The following HDAC9 variants were observed in gnomAD, a reference collection of about 807,000 sequenced individuals.
HDAC9 encodes MEF-2 interacting transcription repressor (MITR) protein.
A neutral mutation model predicts 139.4 loss-of-function variants in HDAC9; 41 were observed. That is an observed-to-expected ratio of 0.29 (90% CI 0.23 to 0.38). The LOEUF is 0.38. Among genes scored for constraint, HDAC9 ranks in the 10% least tolerant of loss-of-function variants. HDAC9 has a pLI of 1.00. For missense variants in HDAC9, 1,147 were observed against 1,297.0 expected (o/e 0.88, Z 1.78); for synonymous variants, 517 against 476.2 (o/e 1.09, Z -1.12).
chr7:18,936,018 A>T, intron 23 of HDAC9, 76 bp downstream of exon 23: 4 of 1,418,794 alleles, frequency 2.8e-6, no homozygotes, highest in Non-Finnish European at 3.8e-6. Context: ...AACTAAAAAA[A>T]AATTCTGCAT....
chr7:18,149,532 T>TTTATTTA lies in HDAC9; in HGVS notation c.-96-12677_-96-12671dup, dbSNP rs893748036. On this transcript the variant is annotated intron_variant, in intron 1 of 12. Coordinates refer to the HDAC9 transcript ENST00000417496. ...CACCATGCATGGCTAAGGTTTTTTA[T>TTTATTTA]TTATTTATTATTTATTATTTATTAT... Among the ~76,000 whole-genome samples, 6 of 150,378 alleles carry TTTATTTA rather than the reference T, an allele frequency of 4.0e-5. No individual in the cohort carries two copies. In the South Asian group the frequency reaches 6.3e-4, roughly 16 times the overall value.
chr7:18,392,313 TCTCACACACACA>T (rs1264475104), intron 1 of HDAC9, among the ~76,000 whole-genome samples: 18 of 111,236 alleles, frequency 1.6e-4, no homozygotes, highest in African/African-American at 6.1e-4. Flanking sequence ...TCTCTCTCTC[TCTCACACACACA>T]CACACACACA....
At chr7:18,331,074 G>A (rs1255524056) in intron 1 of HDAC9, among the ~76,000 whole-genome samples, 1 of 151,638 alleles carries the variant, frequency 6.6e-6, no homozygotes, top group Non-Finnish European at 1.5e-5. Flanking sequence ...CTGATCATAG[G>A]TTTTGCATTT....
chr7:18,851,351 A>C (rs1220674057), intron 21 of HDAC9: 1 of 152,016 alleles, frequency 6.6e-6, no homozygotes, highest in East Asian at 1.9e-4. Flanking sequence ...CTCTCACGAG[A>C]TCTAATGGTT....
At chr7:18,952,126 C>T (rs1252817083) in intron 23 of HDAC9, among the ~76,000 whole-genome samples, 4 of 151,908 alleles carry the variant, frequency 2.6e-5, no homozygotes, top group South Asian at 2.1e-4. Flanking sequence ...CTAAAACATG[C>T]AGGGAAATGG....
At chr7:18,474,126 T>A (rs1029542529) in intron 1 of HDAC9, among the ~76,000 whole-genome samples, 1 of 152,194 alleles carries the variant, frequency 6.6e-6, no homozygotes, top group African/African-American at 2.4e-5. Flanking sequence ...GCCTTGGTAA[T>A]CTCTCTCAAC....
intron 22 of HDAC9, among the ~76,000 whole-genome samples, chr7:18,905,855 TTTC>T (rs1479149992): frequency 1.8e-5 from 2 of 113,838 alleles, no homozygotes; most frequent in South Asian, 3.9e-4. Context: ...GAATAGTTTC[TTTC>T]TTTCTTTCTT....
chr7:18,354,034 G>T (rs1038333315), intron 1 of HDAC9, among the ~76,000 whole-genome samples: 2 of 151,990 alleles, frequency 1.3e-5, no homozygotes, highest in African/African-American at 4.8e-5. Flanking sequence ...TAAACCATTT[G>T]GGACTTAGCA....
chr7:18,772,061 G>A (rs1229101847), intron 16 of HDAC9, among the ~76,000 whole-genome samples: 1 of 152,106 alleles, frequency 6.6e-6, no homozygotes, highest in Admixed American at 6.6e-5. Context: ...CCATTGGGCT[G>A]GTTCAGAAAA....
chr7:18,534,242 G>A (rs1211358444), intron 2 of HDAC9, among the ~76,000 whole-genome samples: 2 of 152,190 alleles, frequency 1.3e-5, no homozygotes, highest in Non-Finnish European at 2.9e-5. Flanking sequence ...ATGTGTGTTT[G>A]TGTGTATGTG....
At chr7:18,098,552 C>G (rs1266871173) in intron 1 of HDAC9, among the ~76,000 whole-genome samples, 1 of 152,130 alleles carries the variant, frequency 6.6e-6, no homozygotes, top group Non-Finnish European at 1.5e-5. Context: ...TAGTAGTTCC[C>G]AAACTTGAGT....
At chr7:18,287,544 T>C (rs771287858), upstream of HDAC9, among the ~76,000 whole-genome samples, 4 of 152,220 alleles carry the variant, frequency 2.6e-5, no homozygotes, top group Non-Finnish European at 4.4e-5. Context: ...AAAATCCAGA[T>C]GTCCACCTTC....
intron 12 of HDAC9, among the ~76,000 whole-genome samples, chr7:18,700,098 T>C (rs926568883): frequency 6.6e-6 from 1 of 152,168 alleles, no homozygotes; most frequent in African/African-American, 2.4e-5. Context: ...ACACTTGTCC[T>C]GGCATTGGAA....
chr7:18,098,879 C>T (rs909831159), intron 1 of HDAC9, among the ~76,000 whole-genome samples: 1 of 152,100 alleles, frequency 6.6e-6, no homozygotes, highest in Non-Finnish European at 1.5e-5. Context: ...CTTCTTATTG[C>T]TTTCATATGC....
At chr7:18,496,374 G>A (rs764853979) in intron 2 of HDAC9, 50 bp downstream of exon 2, 23 of 1,527,092 alleles carry the variant, frequency 1.5e-5, no homozygotes, top group Non-Finnish European at 2.0e-5. Flanking sequence ...AAGGGGGCTG[G>A]CTTGGGAAAT....
chr7:18,915,890 G>GTAAA (rs1803149237), intron 22 of HDAC9, among the ~76,000 whole-genome samples: 1 of 151,238 alleles, frequency 6.6e-6, no homozygotes, highest in Admixed American at 6.6e-5. Context: ...TATGGGACTG[G>GTAAA]GCCCTTAGAG....
rs180796720 is a variant in HDAC9 at position 18,322,905 on chromosome 7, G to T, written c.-42+32390G>T. Among the ~76,000 whole-genome samples, 357 of 152,248 alleles carry T rather than the reference G, an allele frequency of 2.3e-3. 3 individuals are homozygous for T. The highest frequency in any genetic ancestry group is 4.3e-4 in the Non-Finnish European group (29 of 68,008). ...TCATGAGGGGAAAGGAGGATTCTGG[G>T]AAGGGCTGGGAAGTTGGCTTGGGGA... On this transcript the variant is annotated intron_variant, in intron 1 of 3. Transcript: ENST00000413509.
At chr7:18,692,454 T>G (rs1782739658) in intron 12 of HDAC9, among the ~76,000 whole-genome samples, 1 of 152,098 alleles carries the variant, frequency 6.6e-6, no homozygotes, top group Non-Finnish European at 1.5e-5. Flanking sequence ...ACCTAGGACA[T>G]AGGTAATAAG....
chr7:18,207,252 T>C (rs1048365745), intron 2 of HDAC9, among the ~76,000 whole-genome samples: 1 of 152,042 alleles, frequency 6.6e-6, no homozygotes, highest in Non-Finnish European at 1.5e-5. Context: ...ATTTGAAATA[T>C]CTTATAAGAA....
Sources: gnomAD v4.1 joint callset for allele counts (sites outside exome capture counted in the v4.1 genomes callset) on GRCh38, gnomAD v4.1.1 for gene constraint, MANE v1.5 for transcripts, NCBI Gene and HGNC (gene_info 2026-07-23, HGNC 2026-07-21) for gene names.